The following DAB1 variants were observed in gnomAD, a reference collection of about 807,000 sequenced individuals.
DAB1 encodes the protein DAB adaptor protein 1.
Under a neutral mutation model 64.6 loss-of-function variants are expected in DAB1, and 15 were observed. That is an observed-to-expected ratio of 0.23 (90% CI 0.16 to 0.36). The LOEUF is 0.36. DAB1 is among the 10% of genes least tolerant of loss of function. DAB1 has a pLI of 1.00. For synonymous variants in DAB1, 235 were observed against 251.9 expected, an observed-to-expected ratio of 0.93 and a Z score of 0.64; for missense variants, 596 against 706.7, an observed-to-expected ratio of 0.84 and a Z score of 1.78.
chr1:58,494,970 G>C (rs186823), intron 3 of DAB1, among the ~76,000 whole-genome samples: 1 of 152,104 alleles, frequency 6.6e-6, no homozygotes, highest in Non-Finnish European at 1.5e-5. Flanking sequence ...ACATGCACAC[G>C]TATGTTTATT....
intron 6 of DAB1, 169 bp from the exon 7 acceptor site, chr1:57,071,230 T>G: frequency 2.9e-6 from 2 of 684,924 alleles, no homozygotes; most frequent in Non-Finnish European, 4.9e-6. Context: ...TTAGAGCCAC[T>G]CCCACCTCCA....
intron 7 of DAB1, among the ~76,000 whole-genome samples, chr1:57,636,963 G>T (rs1264830825): frequency 6.6e-6 from 1 of 152,004 alleles, no homozygotes; most frequent in Non-Finnish European, 1.5e-5. Context: ...AATGAGACAG[G>T]GTCATAAAAA....
chr1:58,351,808 GA>G (rs1644061286), intron 3 of DAB1, among the ~76,000 whole-genome samples: 1 of 148,888 alleles, frequency 6.7e-6, no homozygotes, highest in Admixed American at 6.8e-5. Flanking sequence ...AGATGGGGGA[GA>G]GGGGTGTGGA....
intron 3 of DAB1, among the ~76,000 whole-genome samples, chr1:58,365,293 C>T (rs1278854202): frequency 6.6e-6 from 1 of 152,194 alleles, no homozygotes; most frequent in African/African-American, 2.4e-5. Flanking sequence ...AAAGACTCCA[C>T]AAGAGAGTCA....
intron 4 of DAB1, among the ~76,000 whole-genome samples, chr1:58,239,290 C>T (rs1460281548): frequency 1.3e-5 from 2 of 152,212 alleles, no homozygotes; most frequent in Non-Finnish European, 2.9e-5. Flanking sequence ...AGCTGCACAA[C>T]CTAAATTCTT....
At chr1:57,130,284 C>G (rs781294326) in intron 4 of DAB1, among the ~76,000 whole-genome samples, 1 of 152,112 alleles carries the variant, frequency 6.6e-6, no homozygotes, top group Non-Finnish European at 1.5e-5. Context: ...TTAAATTAAT[C>G]TTTCACCAAC....
chr1:57,565,689 T>C (rs959266440), intron 7 of DAB1, among the ~76,000 whole-genome samples: 2 of 152,150 alleles, frequency 1.3e-5, no homozygotes, highest in African/African-American at 2.4e-5. Flanking sequence ...GGCCATTACA[T>C]AATGGTAAAG....
intron 5 of DAB1, among the ~76,000 whole-genome samples, chr1:58,134,285 A>G (rs909891586): frequency 6.6e-6 from 1 of 152,182 alleles, no homozygotes; most frequent in Non-Finnish European, 1.5e-5. Flanking sequence ...GAGAAAAAAA[A>G]GCCTTGTATC....
intron 2 of DAB1, among the ~76,000 whole-genome samples, chr1:58,518,141 G>A (rs1382774866): frequency 2.0e-5 from 3 of 146,524 alleles, no homozygotes; most frequent in Non-Finnish European, 3.0e-5. Context: ...AGCTGAGATC[G>A]CGCCATTGCA....
chr1:58,024,896 G>A (rs979333155), intron 5 of DAB1, among the ~76,000 whole-genome samples: 1 of 152,036 alleles, frequency 6.6e-6, no homozygotes. Flanking sequence ...CTTTGGACTC[G>A]AACTGGAACT....
At chr1:58,542,216 T>C (rs917177588) in intron 1 of DAB1, among the ~76,000 whole-genome samples, 1 of 152,248 alleles carries the variant, frequency 6.6e-6, no homozygotes, top group Non-Finnish European at 1.5e-5. Flanking sequence ...GGCTGATATA[T>C]AATAGTTTGA....
chr1:58,252,606 T>G (rs1332057017), intron 4 of DAB1, among the ~76,000 whole-genome samples: 1 of 152,154 alleles, frequency 6.6e-6, no homozygotes, highest in Non-Finnish European at 1.5e-5. Flanking sequence ...TGTAACAGAT[T>G]CCAGAGGCCT....
At chr1:57,555,041 T>C in intron 7 of DAB1, among the ~76,000 whole-genome samples, 1 of 139,590 alleles carries the variant, frequency 7.2e-6, no homozygotes, top group Non-Finnish European at 1.5e-5. Flanking sequence ...TTTTTTTTTT[T>C]TTTTTTTTTT....
At position 57,044,802 on chromosome 1, in the gene DAB1, A is replaced by T. The variant is rs1418531820; in HGVS notation, c.723+18082T>A. Among the ~76,000 whole-genome samples the T allele has an allele frequency of 2.6e-5, 4 of 152,336 alleles. No homozygotes were observed. The East Asian group carries it at 5.8e-4, about 22-fold the overall frequency. ...AAAGTACATTCTGGACTCAAGAGGA[A>T]GGAATGGGTCACAGGGTAATATTAA... is the stretch of plus-strand genomic sequence containing the variant. On this transcript the variant is annotated intron_variant, in intron 9 of 14. Transcript: ENST00000371236.
At chr1:58,137,483 C>T (rs1397132158) in intron 5 of DAB1, among the ~76,000 whole-genome samples, 1 of 152,102 alleles carries the variant, frequency 6.6e-6, no homozygotes, top group Non-Finnish European at 1.5e-5. Context: ...TCCATTCACC[C>T]TCCATCTATC....
intron 14 of DAB1, among the ~76,000 whole-genome samples, chr1:57,002,828 G>C (rs1171567190): frequency 2.0e-5 from 3 of 152,190 alleles, no homozygotes; most frequent in African/African-American, 2.4e-5. Context: ...ATTCTGTGCA[G>C]GGTACTTAAC....
chr1:58,209,106 CA>C (rs1658424589), intron 4 of DAB1, among the ~76,000 whole-genome samples: 1 of 152,100 alleles, frequency 6.6e-6, no homozygotes, highest in Non-Finnish European at 1.5e-5. Context: ...ACAGCTTAGA[CA>C]AAAGTGCAAG....
At chr1:58,341,528 TCC>T (rs953792787) in intron 4 of DAB1, among the ~76,000 whole-genome samples, 3 of 152,158 alleles carry the variant, frequency 2.0e-5, no homozygotes, top group Non-Finnish European at 4.4e-5. Context: ...AAACATAACA[TCC>T]TTATGAAGTA....
chr1:58,514,553 T>A (rs1375122187), intron 2 of DAB1, among the ~76,000 whole-genome samples: 1 of 152,128 alleles, frequency 6.6e-6, no homozygotes, highest in Non-Finnish European at 1.5e-5. Context: ...AATCTGAATC[T>A]TTTTTTAGGA....
Sources: gnomAD v4.1 joint callset for allele counts (sites outside exome capture counted in the v4.1 genomes callset) on GRCh38, gnomAD v4.1.1 for gene constraint, MANE v1.5 for transcripts, NCBI Gene and HGNC (gene_info 2026-07-23, HGNC 2026-07-21) for gene names.